The following SEC62 variants were observed in gnomAD, a reference collection of about 807,000 sequenced individuals.
SEC62 encodes the protein translocation protein SEC62.
In SEC62, 10 loss-of-function variants were observed where a neutral mutation model predicts 47.5. The ratio of observed to expected loss-of-function variants is 0.21; its 90% CI spans 0.13 to 0.36. The LOEUF (loss-of-function observed/expected upper bound fraction) is 0.36. Among genes scored for constraint, SEC62 ranks in the 10% least tolerant of loss-of-function variants. SEC62 has a pLI of 1.00. For synonymous variants in SEC62, 136 were observed against 150.5 expected, an observed-to-expected ratio of 0.90 and a Z score of 0.71; for missense variants, 327 against 464.1, an observed-to-expected ratio of 0.70 and a Z score of 2.71.
chr3:169,969,678 G>A (rs1714647342), intron 1 of SEC62, among the ~76,000 whole-genome samples: 1 of 152,118 alleles, frequency 6.6e-6, no homozygotes, highest in Admixed American at 6.6e-5. Context: ...TTTAGACCAG[G>A]TCTTCTGATT....
At chr3:169,968,756 G>A (rs1714618771) in intron 1 of SEC62, among the ~76,000 whole-genome samples, 3 of 152,072 alleles carry the variant, frequency 2.0e-5, no homozygotes, top group Admixed American at 2.0e-4. Flanking sequence ...CCTCTATTCA[G>A]TAAACTATTA....
intron 7 of SEC62, among the ~76,000 whole-genome samples, chr3:169,990,057 CAT>C (rs971409745): frequency 8.2e-5 from 12 of 146,750 alleles, no homozygotes; most frequent in East Asian, 2.0e-4. Flanking sequence ...TATGATATGT[CAT>C]ATATATTATA....
intron 3 of SEC62, among the ~76,000 whole-genome samples, chr3:169,981,860 C>T (rs1286611179): frequency 6.6e-6 from 1 of 151,908 alleles, no homozygotes. Flanking sequence ...TAACAGGAAA[C>T]GAGAGAATGG....
At position 169,993,738 on chromosome 3, in the gene SEC62, G is replaced by C. The variant is rs1231750520; in HGVS notation, c.*675G>C. The C allele has an allele frequency of 6.6e-6, 1 of 152,662 alleles. No individual in the cohort carries two copies. The allele number at this position is 152,662 out of a possible 1,614,324, so 9.5% of individuals were successfully genotyped here. A position where few individuals can be genotyped will look rare whatever the true frequency, so the allele number is the denominator to read the frequency against. On this transcript the variant is annotated 3_prime_UTR_variant, in exon 8 of 8. Transcript: ENST00000337002. ...AAGTGAACAGCATTTGTTGGAAGGTGATGGCTCTCCCTCCTCCCTCCCCAT... is the reference window on the plus strand; with the variant it reads ...AAGTGAACAGCATTTGTTGGAAGGTCATGGCTCTCCCTCCTCCCTCCCCAT...
chr3:169,993,141 A>G lies in SEC62; in HGVS notation c.*78A>G. On this transcript the variant is annotated 3_prime_UTR_variant, in exon 8 of 8. Coordinates refer to ENST00000337002, the MANE Select transcript of SEC62 (RefSeq NM_003262.4). Reference sequence around the variant, plus strand: ...GTTGGCTGATTACCATATTGAACACATGGCATTTGTAGCATTCTTTAAATC... The same window carrying G: ...GTTGGCTGATTACCATATTGAACACGTGGCATTTGTAGCATTCTTTAAATC... 2.0e-6 allele frequency: 2 copies of G among 1,017,364 alleles called. No individual in the cohort carries two copies. The highest frequency in any genetic ancestry group is 3.3e-5 in the African/African-American group (2 of 61,514). 63.0% of individuals were successfully genotyped at this position (1,017,364 alleles called of 1,614,324 possible).
chr3:169,969,351 C>T, intron 1 of SEC62: 1 of 456,626 alleles, frequency 2.2e-6, no homozygotes, highest in South Asian at 1.5e-5. Context: ...ACATTTCCTT[C>T]TTGGACTCAT....
At chr3:169,988,482 T>G (rs1715160837) in intron 7 of SEC62, 123 bp downstream of exon 7, 7 of 1,039,228 alleles carry the variant, frequency 6.7e-6, no homozygotes, top group South Asian at 5.5e-5. Context: ...TATATGGTAC[T>G]ACTTTCTGAG....
Position 169,991,820 on chromosome 3 carries a change from A to G in SEC62, c.731-774A>G, listed in dbSNP as rs551671095. Among the ~76,000 whole-genome samples, 5 of 152,366 alleles carry G rather than the reference A, an allele frequency of 3.3e-5. No homozygotes were observed. The East Asian group carries it at 7.7e-4, about 23-fold the overall frequency. On this transcript the variant is annotated intron_variant, in intron 7 of 7. Transcript: ENST00000337002. ...AAACGTGTGCCTTGGACCAAGATAC[A>G]TATAGGGGTCCACAGAAATATTTTC...
intron 6 of SEC62, 105 bp from the exon 7 acceptor site, chr3:169,988,135 T>G: frequency 7.9e-7 from 1 of 1,266,768 alleles, no homozygotes; most frequent in Non-Finnish European, 1.1e-6. Flanking sequence ...TATTTCACTG[T>G]GTTTATGTTT....
intron 7 of SEC62, among the ~76,000 whole-genome samples, chr3:169,991,353 T>G (rs1415835647): frequency 6.6e-6 from 1 of 152,080 alleles, no homozygotes; most frequent in Non-Finnish European, 1.5e-5. Flanking sequence ...AGCCAGGAGT[T>G]TAAGACTGGC....
At position 169,975,753 on chromosome 3, in the gene SEC62, A is replaced by G. The variant is rs756636396; in HGVS notation, c.145+37A>G. ...TCAGTAAAATCGTATTAGTGTACAT[A>G]TGTTATGAAGTTAACCTACATTTGG... On this transcript the variant is annotated intron_variant, in intron 2 of 7. Transcript: ENST00000337002. 3 of 1,401,922 alleles carry G rather than the reference A, an allele frequency of 2.1e-6. No individual in the cohort carries two copies. The African/African-American group carries it at 4.3e-5, about 20-fold the overall frequency. The allele number at this position is 1,401,922 out of a possible 1,614,324, so 86.8% of individuals were successfully genotyped here.
At chr3:169,974,082 A>G (rs1714770363) in intron 1 of SEC62, among the ~76,000 whole-genome samples, 1 of 152,244 alleles carries the variant, frequency 6.6e-6, no homozygotes, top group Admixed American at 6.5e-5. Flanking sequence ...AACCCAACAT[A>G]GATAAGTTGG....
intron 1 of SEC62, 92 bp from the exon 2 acceptor site, chr3:169,975,516 A>G (rs1320444788): frequency 1.2e-6 from 1 of 864,462 alleles, no homozygotes; most frequent in Admixed American, 2.2e-5. Context: ...ACTCCACTTG[A>G]AAAGATTCAT....
Position 169,992,289 on chromosome 3 carries a change from C to T in SEC62, c.731-305C>T, listed in dbSNP as rs991382481. ...CATTGTGACCTCAAGTTCAGAGCAA[C>T]ATTCTGTGCCCCTAGAATACCGTGA... On this transcript the variant is annotated intron_variant, in intron 7 of 7. Coordinates refer to ENST00000337002, the MANE Select transcript of SEC62 (RefSeq NM_003262.4). This position sits in a 1 kb window ranked among gnomAD's most constrained non-coding sequence, Gnocchi z 4.0. Among the ~76,000 whole-genome samples, 1 of 152,116 alleles carries T rather than the reference C, an allele frequency of 6.6e-6. No individual in the cohort carries two copies. The highest frequency in any genetic ancestry group is 1.5e-5 in the Non-Finnish European group (1 of 68,030).
At chr3:169,981,223 A>C (rs1000530971) in intron 3 of SEC62, among the ~76,000 whole-genome samples, 1 of 152,232 alleles carries the variant, frequency 6.6e-6, no homozygotes, top group Non-Finnish European at 1.5e-5. Context: ...TCATATTTAC[A>C]TAATTTAAAA....
chr3:169,979,042 G>T (rs977579327), intron 3 of SEC62, among the ~76,000 whole-genome samples: 2 of 152,074 alleles, frequency 1.3e-5, no homozygotes, highest in Non-Finnish European at 2.9e-5. Flanking sequence ...ACATTTTTTG[G>T]CTTTTTAGGA....
intron 1 of SEC62, among the ~76,000 whole-genome samples, chr3:169,972,397 C>G (rs1343757312): frequency 6.6e-6 from 1 of 151,954 alleles, no homozygotes; most frequent in African/African-American, 2.4e-5. Flanking sequence ...CTTCCTCTTC[C>G]AGTGTTCCCA....
At chr3:169,972,042 C>T (rs569410099) in intron 1 of SEC62, among the ~76,000 whole-genome samples, 1 of 152,310 alleles carries the variant, frequency 6.6e-6, no homozygotes, top group South Asian at 2.1e-4. Context: ...CATTTATAGT[C>T]CAGTATCACA....
At chr3:169,988,091 T>A (rs1715150604) in intron 6 of SEC62, 149 bp from the exon 7 acceptor site, 2 of 721,164 alleles carry the variant, frequency 2.8e-6, no homozygotes, top group African/African-American at 3.6e-5. Flanking sequence ...TGCTCATAAT[T>A]GACCATTTTT....
Sources: gnomAD v4.1 joint callset for allele counts (sites outside exome capture counted in the v4.1 genomes callset) on GRCh38, gnomAD v4.1.1 for gene constraint, Gnocchi (gnomAD v3.1) non-coding constraint, MANE v1.5 for transcripts, NCBI Gene and HGNC (gene_info 2026-07-23, HGNC 2026-07-21) for gene names.